KIAA0232: variants seen among roughly 807,000 people sequenced by gnomAD.
KIAA0232 encodes uncharacterized protein KIAA0232.
A neutral mutation model predicts 122.0 loss-of-function variants in KIAA0232; 27 were observed. The observed-to-expected ratio is 0.22, with a 90% confidence interval of 0.16 to 0.31. KIAA0232 has a LOEUF of 0.31. Among genes scored for constraint, KIAA0232 ranks in the 10% least tolerant of loss-of-function variants. KIAA0232 has a pLI of 1.00. For missense variants in KIAA0232, 1,551 were observed against 1,634.2 expected, an observed-to-expected ratio of 0.95 and a Z score of 0.88; for synonymous variants, 613 against 587.6, an observed-to-expected ratio of 1.04 and a Z score of -0.63.
chr4:6,816,155 C>T (rs1718112846), intron 2 of KIAA0232, among the ~76,000 whole-genome samples: 1 of 152,146 alleles, frequency 6.6e-6, no homozygotes, highest in African/African-American at 2.4e-5. Context: ...CAGCATTCTT[C>T]TGATATCCTT....
Position 6,787,042 on chromosome 4 carries a change from A to G in KIAA0232, c.-354+4201A>G, listed in dbSNP as rs371476878. Reference sequence around the variant, plus strand: ...CTAAAAATACAAAAATTATCCGGGCATGGTGGAGCACGCCTATAGTCCCAG... The same window carrying G: ...CTAAAAATACAAAAATTATCCGGGCGTGGTGGAGCACGCCTATAGTCCCAG... On this transcript the variant is annotated intron_variant, in intron 1 of 9. Coordinates refer to ENST00000307659, the MANE Select transcript of KIAA0232 (RefSeq NM_014743.3). 1.3e-4 allele frequency among the ~76,000 whole-genome samples: 20 copies of G among 152,036 alleles called. No homozygotes were observed. The South Asian group carries it at 3.3e-3, about 25-fold the overall frequency.
intron 1 of KIAA0232, among the ~76,000 whole-genome samples, chr4:6,792,427 C>A (rs1302959138): frequency 6.6e-6 from 1 of 152,052 alleles, no homozygotes; most frequent in Non-Finnish European, 1.5e-5. Context: ...TCTGAATAAT[C>A]ATTTGTCATG....
At chr4:6,844,941 C>T (rs997401713) in intron 4 of KIAA0232, among the ~76,000 whole-genome samples, 7 of 152,184 alleles carry the variant, frequency 4.6e-5, no homozygotes, top group East Asian at 1.9e-4. Flanking sequence ...AGCAGCCTCA[C>T]GAGAGACCTG....
At chr4:6,834,091 C>CTTATTA in intron 3 of KIAA0232, among the ~76,000 whole-genome samples, 1 of 152,086 alleles carries the variant, frequency 6.6e-6, no homozygotes, top group Non-Finnish European at 1.5e-5. Flanking sequence ...CATTTCTTTT[C>CTTATTA]TTATTATTAT....
intron 1 of KIAA0232, among the ~76,000 whole-genome samples, chr4:6,793,651 G>C (rs751124200): frequency 2.0e-5 from 3 of 152,120 alleles, no homozygotes; most frequent in Non-Finnish European, 2.9e-5. Flanking sequence ...AAAGTGGTCA[G>C]AATTCTTGGT....
chr4:6,860,057 A>G (rs1289628451), intron 6 of KIAA0232, among the ~76,000 whole-genome samples: 2 of 152,206 alleles, frequency 1.3e-5, no homozygotes, highest in Non-Finnish European at 2.9e-5. Context: ...TGGAATTTCA[A>G]GGCTCAGTTG....
intron 1 of KIAA0232, among the ~76,000 whole-genome samples, chr4:6,798,089 T>G (rs1186897849): frequency 6.6e-6 from 1 of 151,776 alleles, no homozygotes. Flanking sequence ...ATAAAAATGT[T>G]TGAAGGAAAG....
Position 6,860,903 on chromosome 4 carries a change from AC to A in KIAA0232, c.522del (p.Tyr175MetfsTer18), listed in dbSNP as rs1720816028. ...GAAGTCTTTACTCTGTTTTTCAGGT[AC>A]TATGAAGCATTTCCACCACTTTCTG... ...SPPAKDQVEMYYEAFPPLSEK... is the reference protein window; with the variant it reads ...SPPAKDQVEMXYEAFPPLSEK... On this transcript the variant is annotated frameshift_variant, in exon 7 of 10. Transcript: ENST00000307659. LOFTEE classifies it high-confidence loss of function. 1 of 1,611,650 alleles carries A rather than the reference AC, an allele frequency of 6.2e-7. No homozygotes were observed. The highest frequency in any genetic ancestry group is 8.5e-7 in the Non-Finnish European group (1 of 1,178,698).
chr4:6,879,618 T>C (rs1011931528), intron 9 of KIAA0232, among the ~76,000 whole-genome samples: 3 of 152,174 alleles, frequency 2.0e-5, no homozygotes, highest in Non-Finnish European at 4.4e-5. Context: ...CTAGTTACTA[T>C]GGCAGGGTGA....
At chr4:6,872,556 G>C (rs1721548358) in intron 8 of KIAA0232, among the ~76,000 whole-genome samples, 1 of 152,202 alleles carries the variant, frequency 6.6e-6, no homozygotes, top group South Asian at 2.1e-4. Context: ...GGGAGAAGTA[G>C]GAACTAAGGA....
chr4:6,806,409 A>G (rs979754959), intron 2 of KIAA0232, among the ~76,000 whole-genome samples: 1 of 152,230 alleles, frequency 6.6e-6, no homozygotes, highest in African/African-American at 2.4e-5. Context: ...GTTCATCTCC[A>G]TAGTACAATT....
At chr4:6,801,277 A>G (rs149425925) in intron 1 of KIAA0232, among the ~76,000 whole-genome samples, 42 of 152,378 alleles carry the variant, frequency 2.8e-4, no homozygotes, top group African/African-American at 9.6e-4. Flanking sequence ...ATTAAAATGT[A>G]AATAGCCACT....
intron 8 of KIAA0232, among the ~76,000 whole-genome samples, chr4:6,874,228 A>C (rs1721637786): frequency 6.6e-6 from 1 of 152,250 alleles, no homozygotes; most frequent in South Asian, 2.1e-4. Flanking sequence ...GCATAGGCAA[A>C]CAGATCGTGT....
intron 3 of KIAA0232, among the ~76,000 whole-genome samples, chr4:6,839,785 C>T (rs1453524666): frequency 6.6e-6 from 1 of 152,044 alleles, no homozygotes; most frequent in Non-Finnish European, 1.5e-5. Context: ...TCGAGTTTAG[C>T]CAGCAGGACT....
chr4:6,878,525 A>G (rs990009865), intron 9 of KIAA0232, among the ~76,000 whole-genome samples: 6 of 152,178 alleles, frequency 3.9e-5, no homozygotes, highest in Non-Finnish European at 8.8e-5. Flanking sequence ...CGAAGGAGGA[A>G]ATACTCCTCA....
At position 6,864,737 on chromosome 4, in the gene KIAA0232, CA is replaced by C. The variant is rs59573520; in HGVS notation, c.3801+576del. Reference sequence around the variant, plus strand: ...TGGGTGACAGGGTGAGACTCCATCTCAAAAAAAAAAAAAAAAAAAAAATACA... The same window carrying C: ...TGGGTGACAGGGTGAGACTCCATCTCAAAAAAAAAAAAAAAAAAAAATACA... On this transcript the variant is annotated intron_variant, in intron 7 of 9. Transcript: ENST00000307659. Among the ~76,000 whole-genome samples, 663 of 70,276 alleles carry C rather than the reference CA, an allele frequency of 9.4e-3. 2 individuals carry two copies. The highest frequency in any genetic ancestry group is 0.022 in the South Asian group (37 of 1,688). 46.1% of individuals were successfully genotyped at this position (70,276 alleles called of 152,430 possible). A position where few individuals can be genotyped will look rare whatever the true frequency, so the allele number is the denominator to read the frequency against.
chr4:6,801,528 A>G (rs1416122023), intron 1 of KIAA0232, among the ~76,000 whole-genome samples: 1 of 151,966 alleles, frequency 6.6e-6, no homozygotes, highest in Non-Finnish European at 1.5e-5. Flanking sequence ...ATCTCTACCA[A>G]AGAAAAAAGC....
chr4:6,801,824 A>G (rs1374033191), intron 1 of KIAA0232, among the ~76,000 whole-genome samples: 1 of 152,220 alleles, frequency 6.6e-6, no homozygotes, highest in Non-Finnish European at 1.5e-5. Flanking sequence ...AGAAAAATAC[A>G]GGGCCTGCGA....
rs199902844 is a variant in KIAA0232, at chr4:6,836,331, G to GT, written c.232-5732dup. On this transcript the variant is annotated intron_variant, in intron 3 of 9. Coordinates refer to ENST00000307659, the MANE Select transcript of KIAA0232 (RefSeq NM_014743.3). ...TGATGGGGTTGTTTGTTTGTTTTTT[G>GT]TTTTGTTTTTTTTTTTTGGCTTTGC... Among the ~76,000 whole-genome samples, 111 of 142,674 alleles carry GT rather than the reference G, an allele frequency of 7.8e-4. 1 individual carries two copies. The highest frequency in any genetic ancestry group is 2.9e-3 in the African/African-American group (109 of 37,042). The allele number at this position is 142,674 out of a possible 152,430, so 93.6% of individuals were successfully genotyped here. A position where few individuals can be genotyped will look rare whatever the true frequency, so the allele number is the denominator to read the frequency against.
Sources: gnomAD v4.1 joint callset for allele counts (sites outside exome capture counted in the v4.1 genomes callset) on GRCh38, gnomAD v4.1.1 for gene constraint, MANE v1.5 for transcripts, NCBI Gene and HGNC (gene_info 2026-07-23, HGNC 2026-07-21) for gene names.